DMC1: variants seen among roughly 807,000 people sequenced by gnomAD.
DMC1 encodes DNA meiotic recombinase 1.
In DMC1, 27 loss-of-function variants were observed where a neutral mutation model predicts 50.1. That is an observed-to-expected ratio of 0.54 (90% CI 0.40 to 0.74). The LOEUF (loss-of-function observed/expected upper bound fraction) is 0.74. Among genes scored for constraint, DMC1 ranks in the 30% least tolerant of loss-of-function variants. The pLI, the probability that DMC1 is intolerant of heterozygous loss-of-function variation, is 0.00. For synonymous variants in DMC1, 148 were observed against 136.1 expected (o/e 1.09, Z -0.61); for missense variants, 295 against 420.2 (o/e 0.70, Z 2.60).
downstream of DMC1, among the ~76,000 whole-genome samples, chr22:38,518,616 C>T (rs1186255356): frequency 3.3e-5 from 5 of 151,782 alleles, no homozygotes; most frequent in Admixed American, 1.3e-4. Context: ...ATGCAACCTC[C>T]ACCTCCTGGG....
intron 3 of DMC1, 49 bp downstream of exon 3, chr22:38,567,534 G>A: frequency 6.8e-7 from 1 of 1,460,842 alleles, no homozygotes; most frequent in Non-Finnish European, 9.6e-7. Flanking sequence ...GGTTGATGCT[G>A]AGAAATCCTG....
rs560086976 is a variant in DMC1, at chr22:38,534,417, T to A, written c.836+3175A>T. Among the ~76,000 whole-genome samples, 3 of 152,242 alleles carry A rather than the reference T, an allele frequency of 2.0e-5. No individual in the cohort carries two copies. In the South Asian group the frequency reaches 6.2e-4, roughly 32 times the overall value. ...CAAATGGTTCACCAAAAAATACATA[T>A]ACAGGCTGGGCGTAGTGGCTCACAC... On this transcript the variant is annotated intron_variant, in intron 12 of 13. Transcript: ENST00000216024.
chr22:38,545,491 C>T (rs1045620910), intron 8 of DMC1, among the ~76,000 whole-genome samples: 9 of 152,212 alleles, frequency 5.9e-5, no homozygotes, highest in African/African-American at 1.9e-4. Context: ...GGCGCTATCT[C>T]GGCTCACTGC....
chr22:38,523,326 G>C (rs1342846511), intron 12 of DMC1, among the ~76,000 whole-genome samples: 5 of 152,170 alleles, frequency 3.3e-5, no homozygotes, highest in African/African-American at 1.2e-4. Context: ...AATGCTTACA[G>C]ATCGATGCCA....
At chr22:38,514,644 G>T (rs756857579), downstream of DMC1, among the ~76,000 whole-genome samples, 20 of 152,140 alleles carry the variant, frequency 1.3e-4, no homozygotes, top group Middle Eastern at 3.2e-3. Context: ...CAAAACCAAG[G>T]TGGCAATGAA....
rs145802723 is a variant in DMC1 at position 38,523,121 on chromosome 22, C to T, written c.837-1397G>A. Among the ~76,000 whole-genome samples, 280 of 152,224 alleles carry T rather than the reference C, an allele frequency of 1.8e-3. 1 individual carries two copies. The highest frequency in any genetic ancestry group is 6.8e-3 in the Middle Eastern group (2 of 294). On this transcript the variant is annotated intron_variant, in intron 12 of 13. Transcript: ENST00000216024. ...GTTTTAAATGCAAATGCAGCAGGTC[C>T]AACATAGGAACAAGGACAAAGAGTT... is the stretch of plus-strand genomic sequence containing the variant.
chr22:38,535,631 G>A (rs2093011075), intron 12 of DMC1, among the ~76,000 whole-genome samples: 3 of 150,238 alleles, frequency 2.0e-5, no homozygotes, highest in Admixed American at 1.3e-4. Flanking sequence ...TTTTTGAGAC[G>A]GAGTCTTGTT....
intron 8 of DMC1, among the ~76,000 whole-genome samples, chr22:38,540,112 C>A (rs1166121928): frequency 6.6e-6 from 1 of 152,138 alleles, no homozygotes; most frequent in Non-Finnish European, 1.5e-5. Context: ...AGTTTAAAAT[C>A]TACTTTCTTC....
At chr22:38,531,179 A>G (rs757688857) in intron 12 of DMC1, among the ~76,000 whole-genome samples, 3 of 152,228 alleles carry the variant, frequency 2.0e-5, no homozygotes, top group Admixed American at 6.5e-5. Context: ...AGGTGGCAAC[A>G]TCATGGTCTT....
rs1188373212 is a variant in DMC1, at chr22:38,519,481, TAGAA to T, written c.*535_*538del. 6.5e-6 allele frequency: 1 copy of T among 154,530 alleles called. No homozygotes were observed. The highest frequency in any genetic ancestry group is 2.4e-5 in the African/African-American group (1 of 41,456). 9.6% of individuals were successfully genotyped at this position (154,530 alleles called of 1,614,324 possible). A position where few individuals can be genotyped will look rare whatever the true frequency, so the allele number is the denominator to read the frequency against. ...TGAATATGCAGTTTGATATTATAAATAGAAAGAGCTTTTGTGTGTGTGTCCTATA... is the reference window on the plus strand; with the variant it reads ...TGAATATGCAGTTTGATATTATAAATAGAGCTTTTGTGTGTGTGTCCTATA... On this transcript the variant is annotated 3_prime_UTR_variant, in exon 14 of 14. Coordinates refer to ENST00000216024, the MANE Select transcript of DMC1 (RefSeq NM_007068.4).
intron 12 of DMC1, among the ~76,000 whole-genome samples, chr22:38,534,508 G>C (rs1400242558): frequency 1.3e-5 from 2 of 152,010 alleles, no homozygotes; most frequent in Non-Finnish European, 1.5e-5. Flanking sequence ...TTCGAGACCA[G>C]CCTGGCCAAC....
chr22:38,518,743 G>C (rs2089993793), downstream of DMC1, among the ~76,000 whole-genome samples: 1 of 151,986 alleles, frequency 6.6e-6, no homozygotes. Flanking sequence ...TATTGCCCAG[G>C]CTGGTCTTCA....
At chr22:38,526,152 A>G (rs1247534787) in intron 12 of DMC1, among the ~76,000 whole-genome samples, 2 of 152,078 alleles carry the variant, frequency 1.3e-5, no homozygotes, top group Non-Finnish European at 2.9e-5. Flanking sequence ...AAGAAAGGAA[A>G]ACAAACAAAT....
downstream of DMC1, among the ~76,000 whole-genome samples, chr22:38,516,240 G>A (rs1362011109): frequency 2.0e-5 from 3 of 152,190 alleles, no homozygotes; most frequent in Non-Finnish European, 2.9e-5. Context: ...TCCAAAGCAG[G>A]ACATGTAAGA....
intron 1 of DMC1, 37 bp from the exon 2 acceptor site, chr22:38,568,326 T>C: frequency 6.8e-7 from 1 of 1,475,068 alleles, no homozygotes; most frequent in Non-Finnish European, 9.5e-7. Context: ...GAAGTAGTCC[T>C]TTGTCCAGGG....
intron 5 of DMC1, among the ~76,000 whole-genome samples, chr22:38,556,028 C>G (rs1269856338): frequency 6.6e-6 from 1 of 152,010 alleles, no homozygotes; most frequent in African/African-American, 2.4e-5. Flanking sequence ...AATGGGGTTT[C>G]ACCATATTGG....
the DMC1 span, among the ~76,000 whole-genome samples, chr22:38,512,493 A>G: frequency 6.6e-6 from 1 of 152,220 alleles, no homozygotes; most frequent in Admixed American, 6.5e-5. Context: ...ATAAACCTGT[A>G]TTTTGTTTGG....
rs2090385342 is a variant in DMC1 at position 38,549,939 on chromosome 22, A to G, written c.480T>C (p.Asp160=). The change falls in exon 8 of 14, where the codon GAT becomes GAC. Residue 160 remains aspartate (D), a synonymous_variant. Coordinates refer to ENST00000216024, the MANE Select transcript of DMC1 (RefSeq NM_007068.4). ...AAAAAGGTTACAAAGTATTTTCTGT[A>G]TCAATGAAGATAATCTTTCCTCCTG... ...GYPGGKIIFI[D]TENTFRPDRL... is the part of the protein sequence containing the mutation. 2 of 1,612,684 alleles carry G rather than the reference A, an allele frequency of 1.2e-6. No homozygotes were observed. The highest frequency in any genetic ancestry group is 2.7e-5 in the African/African-American group (2 of 74,920).
At chr22:38,543,011 A>G (rs908998805) in intron 8 of DMC1, among the ~76,000 whole-genome samples, 26 of 152,192 alleles carry the variant, frequency 1.7e-4, no homozygotes, top group African/African-American at 6.3e-4. Flanking sequence ...AAGCAGAAGA[A>G]TGAAATTAGA....
Sources: allele counts gnomAD v4.1 joint callset (sites outside exome capture counted in the v4.1 genomes callset), GRCh38; gene constraint gnomAD v4.1.1; transcripts MANE v1.5; gene names NCBI Gene and HGNC (gene_info 2026-07-23, HGNC 2026-07-21).